Variants in ABCA12 observed in about 807,000 individuals in gnomAD.
The protein encoded by ABCA12 is ATP binding cassette subfamily A member 12, also known as glucosylceramide transporter ABCA12.
Under a neutral mutation model 293.5 loss-of-function variants are expected in ABCA12, and 156 were observed. The observed-to-expected ratio is 0.53, with a 90% CI of 0.47 to 0.61. ABCA12 has a LOEUF of 0.61. Among genes scored for constraint, ABCA12 ranks in the 20% least tolerant of loss-of-function variants. ABCA12 has a pLI of 0.00. For missense variants in ABCA12, 2,797 were observed against 3,090.2 expected, an observed-to-expected ratio of 0.91 and a Z score of 2.25; for synonymous variants, 1,063 against 1,108.0, an observed-to-expected ratio of 0.96 and a Z score of 0.81.
rs750852160 is a variant in ABCA12 at position 215,031,877 on chromosome 2, C to T, written c.1005G>A (p.Thr335=). 56 of 1,613,740 alleles carry T rather than the reference C, an allele frequency of 3.5e-5. No individual in the cohort carries two copies. Among genetic ancestry groups the T allele is most frequent in the South Asian group, 3.1e-4 (28 of 91,078 alleles). Residue 335 remains threonine (T), a synonymous_variant, in exon 9 of 53, where the codon ACG becomes ACA. Transcript: ENST00000272895. ...SPAQGDSDNI[T]HVWNEDDGQT... Reference sequence around the variant, plus strand: ...GTCCATCATCCTCATTCCACACATGCGTTATATTATCGGAGTCACCTGAAG... The same window carrying T: ...GTCCATCATCCTCATTCCACACATGTGTTATATTATCGGAGTCACCTGAAG...
chr2:215,087,068 A>G (rs1322583134), intron 2 of ABCA12, among the ~76,000 whole-genome samples: 2 of 152,000 alleles, frequency 1.3e-5, no homozygotes, highest in Middle Eastern at 3.4e-3. Flanking sequence ...TCAGCTTCCC[A>G]AGTAGCTGGG....
chr2:215,133,389 A>C (rs1423824299), intron 1 of ABCA12, among the ~76,000 whole-genome samples: 1 of 151,644 alleles, frequency 6.6e-6, no homozygotes, highest in Admixed American at 6.6e-5. Context: ...CTTCTCTATC[A>C]AGAATTCCAA....
Position 215,036,991 on chromosome 2 carries a change from A to T in ABCA12, c.947T>A (p.Val316Asp), listed in dbSNP as rs1252131739. Residue 316 changes from valine (V) to aspartate (D), a missense_variant, in exon 8 of 53, where the codon GTT (valine) becomes GAT (aspartate). Val to Asp is a radical substitution (Grantham distance 152). Transcript: ENST00000272895. The part of the protein sequence containing the change: ...NEGFRTLQKS[V>D]KHLLYTLDSP... Reference sequence around the variant, plus strand: ...GTCCAGAGTGTACAGCAGATGTTTAACAGACTTCTGGAGGGTTCTGAAACC... The same window carrying T: ...GTCCAGAGTGTACAGCAGATGTTTATCAGACTTCTGGAGGGTTCTGAAACC... The T allele has an allele frequency of 6.2e-7, 1 of 1,613,986 alleles. No individual in the cohort carries two copies. Among genetic ancestry groups the T allele is most frequent in the Admixed American group, 1.7e-5 (1 of 60,026 alleles).
At chr2:215,095,718 C>T (rs1702236454) in intron 2 of ABCA12, among the ~76,000 whole-genome samples, 2 of 151,962 alleles carry the variant, frequency 1.3e-5, no homozygotes, top group Non-Finnish European at 2.9e-5. Context: ...TGGCCTGAGG[C>T]AACTGAAGAA....
At chr2:214,952,282 G>A (rs879312933) in intron 44 of ABCA12, among the ~76,000 whole-genome samples, 22 of 149,402 alleles carry the variant, frequency 1.5e-4, no homozygotes, top group Non-Finnish European at 2.7e-4. Flanking sequence ...GTGCAGTGGC[G>A]CCATCTCGGC....
chr2:215,017,881 C>T, intron 14 of ABCA12, 127 bp downstream of exon 14: 1 of 1,363,944 alleles, frequency 7.3e-7, no homozygotes, highest in East Asian at 2.4e-5. Context: ...AGGTTTATCA[C>T]TTGCATAGAA....
rs4673929 is a variant in ABCA12 at position 215,010,194 on chromosome 2, T to C, written c.2472+137A>G. 1,136,600 of 1,137,090 alleles carry C rather than the reference T, an allele frequency of 1. 568,057 individuals are homozygous for C. Among genetic ancestry groups the C allele is most frequent in the East Asian group, 1 (39,214 of 39,214 alleles). The allele number at this position is 1,137,090 out of a possible 1,614,324, so 70.4% of individuals were successfully genotyped here. On this transcript the variant is annotated intron_variant, in intron 18 of 52. Coordinates refer to ENST00000272895, the MANE Select transcript of ABCA12 (RefSeq NM_173076.3). The stretch of plus-strand genomic sequence containing the variant: ...GGGCAGAAGTTGAGAATTTTACTAA[T>C]AGTTTCAGAAAGCCAAGGATAATAA...
At chr2:215,021,347 C>T (rs1700627766) in intron 11 of ABCA12, among the ~76,000 whole-genome samples, 1 of 152,054 alleles carries the variant, frequency 6.6e-6, no homozygotes, top group African/African-American at 2.4e-5. Context: ...TTTCAAAGTG[C>T]TTTAAAAAGT....
rs1698089585 is a variant in ABCA12, at chr2:214,932,499, T to TAACA, written c.*131_*134dup. On this transcript the variant is annotated 3_prime_UTR_variant, in exon 53 of 53. Transcript: ENST00000272895. ...TTCCTTTTATAATTACTTGTTAGTCTAACACAGTTGTAACTTTCCATACAG... is the reference window on the plus strand; with the variant it reads ...TTCCTTTTATAATTACTTGTTAGTCTAACAAACACAGTTGTAACTTTCCATACAG... 3 of 754,306 alleles carry TAACA rather than the reference T, an allele frequency of 4.0e-6. No individual in the cohort carries two copies. Among genetic ancestry groups the TAACA allele is most frequent in the African/African-American group, 1.8e-5 (1 of 57,084 alleles). 46.7% of individuals were successfully genotyped at this position (754,306 alleles called of 1,614,324 possible).
chr2:214,937,696 G>C, intron 50 of ABCA12, 81 bp from the exon 51 acceptor site: 1 of 995,296 alleles, frequency 1.0e-6, no homozygotes, highest in South Asian at 1.3e-5. Flanking sequence ...AATGAAACAG[G>C]ACCCAAGCCA....
At chr2:214,999,921 T>C (rs1700105881) in intron 22 of ABCA12, 2 of 664,240 alleles carry the variant, frequency 3.0e-6, no homozygotes, top group African/African-American at 2.0e-5. Context: ...ACCATCTGAA[T>C]TGTATATAAA....
At position 215,133,149 on chromosome 2, in the gene ABCA12, ATTTTTTTTTTTTTTTT is replaced by A. The variant is rs55641331; in HGVS notation, c.69+4975_69+4990del. 5.4e-4 allele frequency among the ~76,000 whole-genome samples: 19 copies of A among 34,880 alleles called. No individual in the cohort carries two copies. In the East Asian group the frequency reaches 6.6e-3, roughly 12 times the overall value. 22.9% of individuals were successfully genotyped at this position (34,880 alleles called of 152,430 possible). A position where few individuals can be genotyped will look rare whatever the true frequency, so the allele number is the denominator to read the frequency against. On this transcript the variant is annotated intron_variant, in intron 1 of 52. Transcript: ENST00000272895. ...TGACTCTTTTCTCTAGCTGGCTTTA[ATTTTTTTTTTTTTTTT>A]TTTTTTTTTTTTTTTTTTTTTTTTA...
intron 2 of ABCA12, among the ~76,000 whole-genome samples, chr2:215,073,484 A>G (rs530316029): frequency 7.9e-5 from 12 of 152,012 alleles, no homozygotes; most frequent in Non-Finnish European, 1.8e-4. Context: ...TACACTGGGT[A>G]TGACCGTGCT....
intron 50 of ABCA12, among the ~76,000 whole-genome samples, chr2:214,937,818 T>G (rs2105911499): frequency 6.6e-6 from 1 of 152,272 alleles, no homozygotes; most frequent in African/African-American, 2.4e-5. Context: ...TATTTCTACC[T>G]CTATATAAAA....
intron 2 of ABCA12, among the ~76,000 whole-genome samples, chr2:215,108,286 G>A (rs1051490375): frequency 6.6e-6 from 1 of 152,194 alleles, no homozygotes; most frequent in African/African-American, 2.4e-5. Context: ...ACATACATTG[G>A]AATGCACTTA....
chr2:214,994,927 A>C (rs1419619941), intron 23 of ABCA12, among the ~76,000 whole-genome samples: 1 of 152,228 alleles, frequency 6.6e-6, no homozygotes, highest in Non-Finnish European at 1.5e-5. Flanking sequence ...GACTTACATT[A>C]GATCAAACAG....
intron 33 of ABCA12, 89 bp from the exon 34 acceptor site, chr2:214,976,126 A>AGTTTTCC: frequency 2.0e-6 from 3 of 1,523,526 alleles, no homozygotes; most frequent in Non-Finnish European, 2.7e-6. Context: ...ATGGTATAAT[A>AGTTTTCC]CACTGTGGTG....
chr2:215,070,684 T>G (rs1051511348), intron 2 of ABCA12, among the ~76,000 whole-genome samples: 1 of 151,888 alleles, frequency 6.6e-6, no homozygotes, highest in Non-Finnish European at 1.5e-5. Flanking sequence ...GATTAAAAAT[T>G]GTTCATCTTA....
At chr2:215,030,552 C>T (rs1394312457) in intron 9 of ABCA12, among the ~76,000 whole-genome samples, 1 of 151,232 alleles carries the variant, frequency 6.6e-6, no homozygotes, top group Non-Finnish European at 1.5e-5. Context: ...TGCAGTGAGC[C>T]GAGATGGCGC....
Sources: gnomAD v4.1 joint callset for allele counts (sites outside exome capture counted in the v4.1 genomes callset) on GRCh38, gnomAD v4.1.1 for gene constraint, MANE v1.5 for transcripts, NCBI Gene and HGNC (gene_info 2026-07-23, HGNC 2026-07-21) for gene names.